EXT2: variants seen among roughly 807,000 people sequenced by gnomAD.
EXT2 encodes the protein exostosin-2.
EXT2 carries 53 observed loss-of-function variants against 81.6 expected under a neutral mutation model. The observed-to-expected ratio is 0.65, with a 90% CI of 0.52 to 0.82. EXT2 has a LOEUF of 0.82. Ranked by LOEUF, EXT2 falls within the 40% of genes least tolerant of loss-of-function variation. The pLI, the probability that EXT2 is intolerant of heterozygous loss-of-function variation, is 0.00. For missense variants in EXT2, 774 were observed against 910.2 expected (o/e 0.85, Z 1.93); for synonymous variants, 320 against 340.0 (o/e 0.94, Z 0.65).
At chr11:44,154,572 C>T (rs1954834122) in intron 7 of EXT2, among the ~76,000 whole-genome samples, 1 of 152,132 alleles carries the variant, frequency 6.6e-6, no homozygotes, top group Admixed American at 6.6e-5. Flanking sequence ...CAAATCTTGG[C>T]TGTTGTGAAT....
At chr11:44,148,416 A>G (rs193086368) in intron 7 of EXT2, among the ~76,000 whole-genome samples, 1 of 152,318 alleles carries the variant, frequency 6.6e-6, no homozygotes, top group East Asian at 1.9e-4. Context: ...GTTGAACTTT[A>G]TGGAGCATTA....
At chr11:44,199,555 C>T (rs563449762) in intron 9 of EXT2, among the ~76,000 whole-genome samples, 2 of 152,372 alleles carry the variant, frequency 1.3e-5, no homozygotes, top group East Asian at 1.9e-4. Flanking sequence ...TCTCAGCCTG[C>T]TCCTGCAATC....
chr11:44,111,299 C>T (rs941902496), intron 3 of EXT2, among the ~76,000 whole-genome samples: 5 of 151,926 alleles, frequency 3.3e-5, no homozygotes, highest in Non-Finnish European at 5.9e-5. Flanking sequence ...GTGCAAGGGT[C>T]GAACAGCATG....
At chr11:44,231,956 C>T (rs891111356) in intron 10 of EXT2, among the ~76,000 whole-genome samples, 4 of 152,090 alleles carry the variant, frequency 2.6e-5, no homozygotes, top group Admixed American at 6.6e-5. Flanking sequence ...CATAAGTTTT[C>T]ATAATCACCA....
intron 9 of EXT2, among the ~76,000 whole-genome samples, chr11:44,201,938 C>A (rs1955526696): frequency 6.6e-6 from 1 of 152,142 alleles, no homozygotes; most frequent in Admixed American, 6.5e-5. Context: ...CTGTCAGAAG[C>A]CTGAGAGAAT....
chr11:44,177,200 C>T (rs545367180), intron 8 of EXT2, among the ~76,000 whole-genome samples: 1 of 152,260 alleles, frequency 6.6e-6, no homozygotes, highest in African/African-American at 2.4e-5. Context: ...AGTTAAGGTT[C>T]TTTATTAGGG....
chr11:44,214,030 A>G (rs1288660571), intron 10 of EXT2, among the ~76,000 whole-genome samples: 1 of 152,226 alleles, frequency 6.6e-6, no homozygotes, highest in Non-Finnish European at 1.5e-5. Context: ...TACATAAGGA[A>G]AGGAGAAAAT....
intron 8 of EXT2, among the ~76,000 whole-genome samples, chr11:44,191,242 G>A (rs1336871648): frequency 6.6e-6 from 1 of 152,246 alleles, no homozygotes; most frequent in Admixed American, 6.5e-5. Context: ...ACTGAATTTG[G>A]AGGAGTGAGA....
rs554934534 is a variant in EXT2 at position 44,203,224 on chromosome 11, A to G, written c.1496-3569A>G. Among the ~76,000 whole-genome samples, 83 of 152,364 alleles carry G rather than the reference A, an allele frequency of 5.4e-4. 1 individual carries two copies. Among genetic ancestry groups the G allele is most frequent in the South Asian group, 1.2e-3 (6 of 4,822 alleles). ...GGTTCATTCTGGAGACAGAAACCACATGATAATTTGAACAGGAAAAATTTA... is the reference window on the plus strand; with the variant it reads ...GGTTCATTCTGGAGACAGAAACCACGTGATAATTTGAACAGGAAAAATTTA... On this transcript the variant is annotated intron_variant, in intron 9 of 13. Coordinates refer to ENST00000533608, the MANE Select transcript of EXT2 (RefSeq NM_207122.2).
At chr11:44,202,225 G>C (rs1211473874) in intron 9 of EXT2, among the ~76,000 whole-genome samples, 1 of 152,162 alleles carries the variant, frequency 6.6e-6, no homozygotes, top group African/African-American at 2.4e-5. Flanking sequence ...CTTTACAGAG[G>C]CAAGTTAGTT....
intron 10 of EXT2, among the ~76,000 whole-genome samples, chr11:44,221,843 G>T (rs985158911): frequency 1.3e-5 from 2 of 152,148 alleles, no homozygotes; most frequent in Non-Finnish European, 2.9e-5. Flanking sequence ...CTGCAAAATC[G>T]TGAGTTTCAG....
intron 7 of EXT2, among the ~76,000 whole-genome samples, chr11:44,133,799 T>C (rs1954527759): frequency 6.6e-6 from 1 of 152,196 alleles, no homozygotes; most frequent in Non-Finnish European, 1.5e-5. Flanking sequence ...AGGAAGGTAT[T>C]GGAGCAACAT....
Position 44,245,516 on chromosome 11 carries a change from T to A in EXT2, c.*1229T>A, listed in dbSNP as rs181122111. ...AAATGTTATGGATTCGAAACAGATT[T>A]ATCTGGCTCTGATATTAAGATTAGC... On this transcript the variant is annotated 3_prime_UTR_variant, in exon 14 of 14. Coordinates refer to ENST00000533608, the MANE Select transcript of EXT2 (RefSeq NM_207122.2). The A allele has an allele frequency of 2.8e-5, 5 of 177,996 alleles. No homozygotes were observed. The East Asian group carries it at 4.7e-4, about 17-fold the overall frequency. 11.0% of individuals were successfully genotyped at this position (177,996 alleles called of 1,614,324 possible). A position where few individuals can be genotyped will look rare whatever the true frequency, so the allele number is the denominator to read the frequency against.
rs566536138 is a variant in EXT2 at position 44,209,754 on chromosome 11, G to C, written c.1662+2795G>C. Among the ~76,000 whole-genome samples, 3 of 152,258 alleles carry C rather than the reference G, an allele frequency of 2.0e-5. No homozygotes were observed. In the South Asian group the frequency reaches 6.2e-4, roughly 32 times the overall value. ...GCTTGGCTGTTGCTGTCTCAAAGAA[G>C]CTTTCAGAGAATCCTCAGTCAGGTT... On this transcript the variant is annotated intron_variant, in intron 10 of 13. Coordinates refer to ENST00000533608, the MANE Select transcript of EXT2 (RefSeq NM_207122.2).
chr11:44,248,509 G>C lies in EXT2; in HGVS notation c.*4222G>C, dbSNP rs1417028665. On this transcript the variant is annotated 3_prime_UTR_variant, in exon 14 of 14. Coordinates refer to ENST00000533608, the MANE Select transcript of EXT2 (RefSeq NM_207122.2). ...ACTTTCTACTTCTGAGTAGAATCAAGGGCAGCATTTGGTCCCATTATACCA... is the reference window on the plus strand; with the variant it reads ...ACTTTCTACTTCTGAGTAGAATCAACGGCAGCATTTGGTCCCATTATACCA... Among the ~76,000 whole-genome samples, 1 of 152,190 alleles carries C rather than the reference G, an allele frequency of 6.6e-6. No individual in the cohort carries two copies. The highest frequency in any genetic ancestry group is 1.5e-5 in the Non-Finnish European group (1 of 68,034).
chr11:44,127,001 T>C, intron 6 of EXT2, 46 bp downstream of exon 6: 1 of 1,608,638 alleles, frequency 6.2e-7, no homozygotes, highest in Non-Finnish European at 8.5e-7. Flanking sequence ...GTTCTGCGTA[T>C]ATTACAAATA....
chr11:44,117,577 C>T (rs1160436652), intron 4 of EXT2, among the ~76,000 whole-genome samples: 1 of 152,142 alleles, frequency 6.6e-6, no homozygotes, highest in African/African-American at 2.4e-5. Flanking sequence ...AAGTCTTCTT[C>T]TATTGAATGG....
Position 44,158,877 on chromosome 11 carries a change from T to C in EXT2, c.1174-12734T>C, listed in dbSNP as rs886850006. Among the ~76,000 whole-genome samples, 8 of 152,092 alleles carry C rather than the reference T, an allele frequency of 5.3e-5. No homozygotes were observed. In the East Asian group the frequency reaches 1.5e-3, roughly 29 times the overall value. On this transcript the variant is annotated intron_variant, in intron 7 of 13. Coordinates refer to ENST00000533608, the MANE Select transcript of EXT2 (RefSeq NM_207122.2). ...TACAGAATTCTTAAGTGTGTGGTTT[T>C]TTTCTCTCAACACTTTAAATATTTC... is the stretch of plus-strand genomic sequence containing the variant.
At chr11:44,144,373 A>G (rs777362609) in intron 7 of EXT2, 4 of 1,541,126 alleles carry the variant, frequency 2.6e-6, no homozygotes, top group Non-Finnish European at 2.7e-6. Flanking sequence ...GCCCAGCAGA[A>G]ATGAATCTCT....
Sources: allele counts gnomAD v4.1 joint callset (sites outside exome capture counted in the v4.1 genomes callset), GRCh38; gene constraint gnomAD v4.1.1; transcripts MANE v1.5; gene names NCBI Gene and HGNC (gene_info 2026-07-23, HGNC 2026-07-21).